The following GUCY1A2 variants were observed in gnomAD, a reference collection of about 807,000 sequenced individuals.
GUCY1A2 encodes the protein guanylate cyclase soluble subunit alpha-2.
A neutral mutation model predicts 63.5 loss-of-function variants in GUCY1A2; 27 were observed. The observed-to-expected ratio is 0.43, with a 90% CI of 0.31 to 0.59. The LOEUF is 0.59. Among genes scored for constraint, GUCY1A2 ranks in the 20% least tolerant of loss-of-function variants. The pLI is 0.11. For missense variants in GUCY1A2, 768 were observed against 913.3 expected, an observed-to-expected ratio of 0.84 and a Z score of 2.05; for synonymous variants, 364 against 343.5, an observed-to-expected ratio of 1.06 and a Z score of -0.66.
intron 4 of GUCY1A2, 52 bp from the exon 5 acceptor site, chr11:106,810,530 C>G: frequency 6.9e-7 from 1 of 1,439,928 alleles, no homozygotes; most frequent in Middle Eastern, 1.8e-4. Flanking sequence ...AGTAGGTTCA[C>G]AAAATTTAAT....
chr11:106,993,605 G>T (rs1253136280), intron 1 of GUCY1A2, among the ~76,000 whole-genome samples: 3 of 152,000 alleles, frequency 2.0e-5, no homozygotes, highest in Non-Finnish European at 4.4e-5. Context: ...ATCCAGCTGT[G>T]CTACTGACCT....
chr11:106,929,982 C>G (rs1860579455), intron 4 of GUCY1A2, among the ~76,000 whole-genome samples: 1 of 152,062 alleles, frequency 6.6e-6, no homozygotes, highest in African/African-American at 2.4e-5. Flanking sequence ...AATGGATAGA[C>G]AGATATGCCT....
rs894135925 is a variant in GUCY1A2, at chr11:106,834,187, A to C, written c.1207-23709T>G. ...ATTCATCTTATACTTGCAAATGTGC[A>C]CCCTTTGACCAACACCTGCCCATTT... On this transcript the variant is annotated intron_variant, in intron 4 of 7. Transcript: ENST00000526355. 2.6e-5 allele frequency among the ~76,000 whole-genome samples: 4 copies of C among 152,038 alleles called. No homozygotes were observed. In the East Asian group the frequency reaches 7.7e-4, roughly 29 times the overall value.
chr11:106,861,192 A>AAGGT (rs1189603060), intron 4 of GUCY1A2, among the ~76,000 whole-genome samples: 1 of 151,986 alleles, frequency 6.6e-6, no homozygotes, highest in Non-Finnish European at 1.5e-5. Context: ...TGCAGACCTC[A>AAGGT]TAACCCCTTG....
chr11:106,776,531 T>A lies in GUCY1A2; in HGVS notation c.1744A>T (p.Ser582Cys). Reference protein sequence around the residue: ...YCVAAGLHRKSLCHAKPIALM... With the variant: ...YCVAAGLHRKCLCHAKPIALM... ...GCAATGGGTTTAGCATGGCAGAGGC[T>A]TTTTCTGTGGAGCCCTGCTGCAACA... Residue 582 changes from serine (S) to cysteine (C), a missense_variant, in exon 6 of 8, where the codon AGC becomes TGC. By Grantham distance (112) the Ser-to-Cys change is moderately radical (BLOSUM62 -1). Transcript: ENST00000526355. 1 of 1,613,292 alleles carries A rather than the reference T, an allele frequency of 6.2e-7. No individual in the cohort carries two copies. The highest frequency in any genetic ancestry group is 8.5e-7 in the Non-Finnish European group (1 of 1,179,220).
intron 4 of GUCY1A2, among the ~76,000 whole-genome samples, chr11:106,878,085 T>C (rs1444490996): frequency 6.6e-6 from 1 of 152,044 alleles, no homozygotes; most frequent in African/African-American, 2.4e-5. Context: ...TGAAATATCA[T>C]CTCACACAAA....
chr11:106,830,247 A>G (rs1192228286), intron 4 of GUCY1A2, among the ~76,000 whole-genome samples: 1 of 152,162 alleles, frequency 6.6e-6, no homozygotes, highest in African/African-American at 2.4e-5. Context: ...TGGTTGTACA[A>G]AGGATAGTTG....
At chr11:106,837,996 A>G (rs1859139705) in intron 4 of GUCY1A2, among the ~76,000 whole-genome samples, 2 of 151,808 alleles carry the variant, frequency 1.3e-5, no homozygotes, top group South Asian at 4.1e-4. Context: ...CTGAGCACAC[A>G]CTCTATGCTA....
At chr11:106,764,965 T>G (rs867923367) in intron 6 of GUCY1A2, among the ~76,000 whole-genome samples, 49 of 47,058 alleles carry the variant, frequency 1.0e-3, no homozygotes, top group Middle Eastern at 7.8e-3. Context: ...CTTTGCAGAT[T>G]TTTTTGGGGG....
In GUCY1A2 at chr11:106,681,329, C is replaced by T. The variant is rs757382925; in HGVS notation, c.*6220G>A. ...CAAACCAACATTTGAATAAATCTGC[C>T]GCAAGACCCATCTATATTTTTGCAA... is the stretch of plus-strand genomic sequence containing the variant. On this transcript the variant is annotated 3_prime_UTR_variant, in exon 8 of 8. Transcript: ENST00000526355. 2.7e-5 allele frequency: 6 copies of T among 225,300 alleles called. No homozygotes were observed. Among genetic ancestry groups the T allele is most frequent in the East Asian group, 6.4e-5 (1 of 15,700 alleles). 14.0% of individuals were successfully genotyped at this position (225,300 alleles called of 1,614,324 possible). A position where few individuals can be genotyped will look rare whatever the true frequency, so the allele number is the denominator to read the frequency against.
chr11:106,820,709 C>T (rs1034715646), intron 4 of GUCY1A2, among the ~76,000 whole-genome samples: 17 of 152,094 alleles, frequency 1.1e-4, no homozygotes, highest in African/African-American at 4.1e-4. Flanking sequence ...AGCCTAAGCA[C>T]TCTAAATATG....
chr11:106,747,415 A>G (rs538588476), intron 6 of GUCY1A2, among the ~76,000 whole-genome samples: 17 of 152,372 alleles, frequency 1.1e-4, no homozygotes, highest in African/African-American at 3.4e-4. Context: ...TTGTCATTTC[A>G]CAAGACACCA....
In GUCY1A2 at chr11:106,736,733, TTAA is replaced by T. The variant is rs552104554; in HGVS notation, c.1837-28070_1837-28068del. ...GATTGCTTTGGGTAGTATGAACATT[TTAA>T]TAATATTGATCCTTCCGATCCATTA... On this transcript the variant is annotated intron_variant, in intron 6 of 7. Transcript: ENST00000526355. 2.0e-5 allele frequency among the ~76,000 whole-genome samples: 3 copies of T among 152,326 alleles called. No individual in the cohort carries two copies. In the East Asian group the frequency reaches 5.8e-4, roughly 29 times the overall value.
chr11:106,706,545 G>GTTT (rs71041682), intron 7 of GUCY1A2, among the ~76,000 whole-genome samples: 19 of 142,846 alleles, frequency 1.3e-4, no homozygotes, highest in Non-Finnish European at 2.6e-4. Context: ...GGCTGGCAGA[G>GTTT]TTTTTTTTTT....
intron 3 of GUCY1A2, among the ~76,000 whole-genome samples, chr11:106,974,900 T>C (rs1565348209): frequency 1.3e-5 from 2 of 152,148 alleles, no homozygotes; most frequent in Admixed American, 6.5e-5. Flanking sequence ...AAATAACTGA[T>C]GCTTCCTAAA....
chr11:106,848,133 G>A lies in GUCY1A2; in HGVS notation c.1207-37655C>T, dbSNP rs182653773. Among the ~76,000 whole-genome samples, 754 of 151,730 alleles carry A rather than the reference G, an allele frequency of 5.0e-3. 25 individuals are homozygous for A. Among genetic ancestry groups the A allele is most frequent in the East Asian group, 2.3e-3 (12 of 5,164 alleles). ...CTACCAATCATAACAGAGAAGGCAT[G>A]GAAAGCTGGTGAAAATGCTGGAACG... On this transcript the variant is annotated intron_variant, in intron 4 of 7. Coordinates refer to ENST00000526355, the MANE Select transcript of GUCY1A2 (RefSeq NM_000855.3).
In GUCY1A2 at chr11:106,940,185, G is replaced by T. The variant is rs983258664; in HGVS notation, c.488-7C>A. 19 of 1,317,538 alleles carry T rather than the reference G, an allele frequency of 1.4e-5. No individual in the cohort carries two copies. Among genetic ancestry groups the T allele is most frequent in the Non-Finnish European group, 1.9e-5 (18 of 927,678 alleles). The allele number at this position is 1,317,538 out of a possible 1,614,324, so 81.6% of individuals were successfully genotyped here. A position where few individuals can be genotyped will look rare whatever the true frequency, so the allele number is the denominator to read the frequency against. On this transcript the variant is annotated splice_region_variant and splice_polypyrimidine_tract_variant and intron_variant, in intron 3 of 7. Transcript: ENST00000526355. ...ATTTCCTCAAACTTCAAACCTAGAG[G>T]TAAATGGGAAGCAAATGTTAGTGAA...
Position 107,017,778 on chromosome 11 carries a change from C to T in GUCY1A2, c.278G>A (p.Ser93Asn). ...CGAGGGCGCCGTCAGGCGGCTGATGCTCTCGCCCAGCGAGTCCAGGTTGAC... is the reference window on the plus strand; with the variant it reads ...CGAGGGCGCCGTCAGGCGGCTGATGTTCTCGCCCAGCGAGTCCAGGTTGAC... The part of the protein sequence containing the change: ...RRVNLDSLGE[S>N]ISRLTAPSPQ... The change falls in exon 1 of 8, where the codon AGC becomes AAC. Residue 93 changes from serine (S) to asparagine (N), a missense_variant. By Grantham distance (46) the Ser-to-Asn change is conservative. Coordinates refer to ENST00000526355, the MANE Select transcript of GUCY1A2 (RefSeq NM_000855.3). The T allele has an allele frequency of 7.0e-7, 1 of 1,427,246 alleles. No homozygotes were observed. Among genetic ancestry groups the T allele is most frequent in the South Asian group, 1.5e-5 (1 of 66,532 alleles). 88.4% of individuals were successfully genotyped at this position (1,427,246 alleles called of 1,614,324 possible).
intron 1 of GUCY1A2, among the ~76,000 whole-genome samples, chr11:107,010,812 C>T (rs1173078973): frequency 6.6e-6 from 1 of 152,086 alleles, no homozygotes; most frequent in East Asian, 1.9e-4. Flanking sequence ...CTCACTGCAA[C>T]CTCCCCCTCC....
Sources: gnomAD v4.1 joint callset for allele counts (sites outside exome capture counted in the v4.1 genomes callset) on GRCh38, gnomAD v4.1.1 for gene constraint, MANE v1.5 for transcripts, NCBI Gene and HGNC (gene_info 2026-07-23, HGNC 2026-07-21) for gene names.